MECOM: variants seen among roughly 807,000 people sequenced by gnomAD.
The protein encoded by MECOM is histone-lysine N-methyltransferase MECOM.
Under a neutral mutation model 116.3 loss-of-function variants are expected in MECOM, and 13 were observed. The observed-to-expected ratio is 0.11, with a 90% CI of 0.07 to 0.18. The LOEUF (loss-of-function observed/expected upper bound fraction) is 0.18, where lower values mean the gene tolerates loss of function less well. Among genes scored for constraint, MECOM ranks in the 10% least tolerant of loss-of-function variants. MECOM has a pLI of 1.00. For synonymous variants in MECOM, 528 were observed against 535.2 expected, an observed-to-expected ratio of 0.99 and a Z score of 0.19; for missense variants, 1,299 against 1,509.0, an observed-to-expected ratio of 0.86 and a Z score of 2.31.
At chr3:169,277,502 G>C (rs186815461) in intron 2 of MECOM, among the ~76,000 whole-genome samples, 13 of 152,202 alleles carry the variant, frequency 8.5e-5, no homozygotes, top group African/African-American at 3.1e-4. Flanking sequence ...TCTGAAAAGG[G>C]AACCAAAGAT....
chr3:169,090,343 A>G, intron 14 of MECOM, 107 bp from the exon 15 acceptor site: 1 of 950,840 alleles, frequency 1.1e-6, no homozygotes, highest in East Asian at 2.5e-5. Context: ...TTCAACACTT[A>G]ACATCGGAAA....
At chr3:169,207,073 A>C (rs1750032448) in intron 2 of MECOM, among the ~76,000 whole-genome samples, 1 of 152,202 alleles carries the variant, frequency 6.6e-6, no homozygotes, top group South Asian at 2.1e-4. Context: ...TTCTTTCCTA[A>C]ACAAAAGCAT....
chr3:169,650,625 T>G (rs1774773398), intron 1 of MECOM, among the ~76,000 whole-genome samples: 1 of 152,158 alleles, frequency 6.6e-6, no homozygotes, highest in Non-Finnish European at 1.5e-5. Flanking sequence ...TTTTAGACCC[T>G]TGATCCTCCA....
intron 5 of MECOM, among the ~76,000 whole-genome samples, chr3:169,125,386 T>C (rs1252439320): frequency 6.6e-6 from 1 of 152,098 alleles, no homozygotes; most frequent in Non-Finnish European, 1.5e-5. Context: ...TTTTATGATA[T>C]ATATTCTACT....
chr3:169,147,108 A>G, intron 2 of MECOM: 5 of 985,262 alleles, frequency 5.1e-6, no homozygotes, highest in Non-Finnish European at 6.0e-6. Context: ...GGTTCACATC[A>G]CCTCCCTCTT....
intron 1 of MECOM, among the ~76,000 whole-genome samples, chr3:169,570,414 A>C (rs979550498): frequency 6.6e-6 from 1 of 152,200 alleles, no homozygotes; most frequent in Non-Finnish European, 1.5e-5. Flanking sequence ...AGAGGTACAA[A>C]GAGGAGCTCA....
intron 2 of MECOM, among the ~76,000 whole-genome samples, chr3:169,336,163 G>A (rs79266861): frequency 3.9e-5 from 6 of 152,088 alleles, no homozygotes; most frequent in African/African-American, 1.4e-4. Flanking sequence ...TAAAATTCCA[G>A]TGAAATCATA....
rs1717072874 is a variant in MECOM at position 169,084,620 on chromosome 3, G to A, written c.*289C>T. The stretch of plus-strand genomic sequence containing the variant: ...CCTAAGGTGGGGTAAACTGGAAGAT[G>A]CCTTCAGCCCACCAAGTTTTTTGTT... On this transcript the variant is annotated 3_prime_UTR_variant, in exon 17 of 17. Transcript: ENST00000651503. 1 of 339,230 alleles carries A rather than the reference G, an allele frequency of 2.9e-6. No homozygotes were observed. Among genetic ancestry groups the A allele is most frequent in the Non-Finnish European group, 5.4e-6 (1 of 184,590 alleles). 21.0% of individuals were successfully genotyped at this position (339,230 alleles called of 1,614,324 possible).
At chr3:169,461,960 T>C (rs1747524222) in intron 1 of MECOM, among the ~76,000 whole-genome samples, 1 of 152,154 alleles carries the variant, frequency 6.6e-6, no homozygotes, top group African/African-American at 2.4e-5. Context: ...AGAGCTACCT[T>C]CTTTCTTCAT....
intron 1 of MECOM, among the ~76,000 whole-genome samples, chr3:169,573,995 T>C (rs1764218746): frequency 6.6e-6 from 1 of 152,214 alleles, no homozygotes. Flanking sequence ...AGACAGTATG[T>C]ATGTATGTAT....
intron 1 of MECOM, among the ~76,000 whole-genome samples, chr3:169,502,697 T>G (rs923045744): frequency 6.6e-6 from 1 of 152,146 alleles, no homozygotes; most frequent in African/African-American, 2.4e-5. Context: ...TTTCCAATGG[T>G]AAAAATGGCT....
chr3:169,155,196 C>A (rs955426607), intron 2 of MECOM, among the ~76,000 whole-genome samples: 1 of 152,134 alleles, frequency 6.6e-6, no homozygotes, highest in Non-Finnish European at 1.5e-5. Context: ...AACACTATTC[C>A]CCCTTAGGAA....
At chr3:169,113,872 T>G (rs1381448296) in intron 8 of MECOM, among the ~76,000 whole-genome samples, 2 of 152,090 alleles carry the variant, frequency 1.3e-5, no homozygotes, top group African/African-American at 4.8e-5. Flanking sequence ...ATGAGAAGGC[T>G]GAGGTTGCAA....
At chr3:169,113,156 C>A (rs956390991) in intron 8 of MECOM, among the ~76,000 whole-genome samples, 1 of 151,944 alleles carries the variant, frequency 6.6e-6, no homozygotes, top group Non-Finnish European at 1.5e-5. Context: ...AAATTAGAGG[C>A]ATTTGTCATG....
intron 2 of MECOM, among the ~76,000 whole-genome samples, chr3:169,293,942 T>G (rs895474555): frequency 6.6e-6 from 1 of 152,228 alleles, no homozygotes; most frequent in Non-Finnish European, 1.5e-5. Flanking sequence ...CTCAGGGCTA[T>G]TTCCAATCAT....
intron 2 of MECOM, among the ~76,000 whole-genome samples, chr3:169,306,845 T>A (rs1717802381): frequency 1.3e-5 from 2 of 152,260 alleles, no homozygotes; most frequent in Admixed American, 1.3e-4. Flanking sequence ...TAGGGCTCAG[T>A]CTTCTGCCTT....
At chr3:169,531,655 G>C (rs551313749) in intron 1 of MECOM, among the ~76,000 whole-genome samples, 4 of 152,268 alleles carry the variant, frequency 2.6e-5, no homozygotes, top group African/African-American at 9.6e-5. Context: ...CTCATTTTCT[G>C]CTAAAATTGA....
intron 1 of MECOM, among the ~76,000 whole-genome samples, chr3:169,578,285 G>T (rs1764743175): frequency 6.6e-6 from 1 of 152,150 alleles, no homozygotes; most frequent in Non-Finnish European, 1.5e-5. Context: ...TTAAAAACCT[G>T]CCAGGACTTC....
At chr3:169,396,795 G>A (rs918335416) in intron 1 of MECOM, among the ~76,000 whole-genome samples, 2 of 151,990 alleles carry the variant, frequency 1.3e-5, no homozygotes, top group African/African-American at 4.8e-5. Context: ...ACCTGGTGAA[G>A]ACTGTCACTA....
Sources: allele counts gnomAD v4.1 joint callset (sites outside exome capture counted in the v4.1 genomes callset), GRCh38; gene constraint gnomAD v4.1.1; transcripts MANE v1.5; gene names NCBI Gene and HGNC (gene_info 2026-07-23, HGNC 2026-07-21).